Variants in STARD13 observed in about 807,000 individuals in gnomAD.
STARD13 encodes stAR-related lipid transfer protein 13.
STARD13 carries 62 observed loss-of-function variants against 106.4 expected under a neutral mutation model. That is an observed-to-expected ratio of 0.58 (90% CI 0.48 to 0.72). The LOEUF is 0.72. Ranked by LOEUF, STARD13 falls within the 30% of genes least tolerant of loss-of-function variation. STARD13 has a pLI of 0.00. For synonymous variants in STARD13, 565 were observed against 553.0 expected, an observed-to-expected ratio of 1.02 and a Z score of -0.31; for missense variants, 1,387 against 1,424.0, an observed-to-expected ratio of 0.97 and a Z score of 0.42.
At chr13:33,378,606 T>C in the STARD13 span, among the ~76,000 whole-genome samples, 2 of 151,920 alleles carry the variant, frequency 1.3e-5, no homozygotes, top group Non-Finnish European at 1.5e-5. Flanking sequence ...CTGGCCAATA[T>C]GGTGAAACCC....
At chr13:33,628,924 A>G in the STARD13 span, among the ~76,000 whole-genome samples, 1 of 152,244 alleles carries the variant, frequency 6.6e-6, no homozygotes, top group Non-Finnish European at 1.5e-5. Flanking sequence ...CGAGGGTTAC[A>G]TGAGATGCTA....
At chr13:33,546,327 CTTAGTTG>C in the STARD13 span, among the ~76,000 whole-genome samples, 2 of 152,062 alleles carry the variant, frequency 1.3e-5, no homozygotes, top group East Asian at 1.9e-4. Flanking sequence ...TTAAAGGGGT[CTTAGTTG>C]TTAGAGCTTT....
chr13:33,190,015 A>T (rs1886126388), intron 1 of STARD13, among the ~76,000 whole-genome samples: 1 of 152,054 alleles, frequency 6.6e-6, no homozygotes, highest in Non-Finnish European at 1.5e-5. Flanking sequence ...CAACTTTCTC[A>T]TTATACTAGA....
At chr13:33,496,131 T>G in the STARD13 span, among the ~76,000 whole-genome samples, 1 of 133,456 alleles carries the variant, frequency 7.5e-6, no homozygotes, top group Non-Finnish European at 1.6e-5. Context: ...TTATAATATA[T>G]TTATAATCAT....
At chr13:33,499,278 A>G in the STARD13 span, among the ~76,000 whole-genome samples, 3 of 152,248 alleles carry the variant, frequency 2.0e-5, no homozygotes, top group African/African-American at 7.2e-5. Context: ...TTGAACAAGT[A>G]TATTAGTCAG....
chr13:33,203,124 GCGGAAGAGCACAGT>G (rs1224365425), intron 1 of STARD13, among the ~76,000 whole-genome samples: 5 of 152,184 alleles, frequency 3.3e-5, no homozygotes, highest in African/African-American at 7.2e-5. Flanking sequence ...CCACAATGCA[GCGGAAGAGCACAGT>G]TGAATGGCGT....
At chr13:33,616,861 G>A in the STARD13 span, among the ~76,000 whole-genome samples, 1 of 152,190 alleles carries the variant, frequency 6.6e-6, no homozygotes, top group African/African-American at 2.4e-5. Flanking sequence ...GGGTCTGGGA[G>A]AAAGGACAGG....
the STARD13 span, among the ~76,000 whole-genome samples, chr13:33,466,498 C>T: frequency 2.7e-4 from 41 of 152,198 alleles, no homozygotes; most frequent in African/African-American, 7.7e-4. Context: ...ATTTGATGGA[C>T]GTATAGTTCA....
intron 1 of STARD13, among the ~76,000 whole-genome samples, chr13:33,332,461 T>C (rs973453931): frequency 6.6e-6 from 1 of 152,150 alleles, no homozygotes; most frequent in Non-Finnish European, 1.5e-5. Flanking sequence ...TTAGTGACCT[T>C]ATAAAAGGGA....
the STARD13 span, among the ~76,000 whole-genome samples, chr13:33,385,239 ATATATATATATATATATATG>A: frequency 1.6e-5 from 2 of 124,682 alleles, no homozygotes; most frequent in Admixed American, 7.8e-5. Context: ...ATATATATAT[ATATATATATATATATATATG>A]TAGAAAACAG....
At chr13:33,594,016 C>G in the STARD13 span, among the ~76,000 whole-genome samples, 10 of 152,294 alleles carry the variant, frequency 6.6e-5, no homozygotes, top group African/African-American at 2.4e-4. Context: ...ACGCCGTTCT[C>G]CTGCCTCAGC....
At chr13:33,358,340 G>T in the STARD13 span, among the ~76,000 whole-genome samples, 51 of 152,292 alleles carry the variant, frequency 3.3e-4, no homozygotes, top group Middle Eastern at 3.4e-3. Flanking sequence ...CAGTCCCATC[G>T]ACCACCCAAG....
chr13:33,238,133 C>T (rs557718365), intron 1 of STARD13, among the ~76,000 whole-genome samples: 2 of 152,272 alleles, frequency 1.3e-5, no homozygotes, highest in Admixed American at 1.3e-4. Context: ...TAGCACTTAC[C>T]TTTCTTTTAC....
the STARD13 span, among the ~76,000 whole-genome samples, chr13:33,423,071 C>T: frequency 0.16 from 23,954 of 152,044 alleles, 4,455 homozygotes; most frequent in African/African-American, 0.44. Context: ...AAAGCAATGG[C>T]GACAAAAGCC....
the STARD13 span, among the ~76,000 whole-genome samples, chr13:33,428,440 A>T: frequency 6.6e-6 from 1 of 152,176 alleles, no homozygotes; most frequent in Non-Finnish European, 1.5e-5. Flanking sequence ...CGTTAATATT[A>T]AAAATATAAA....
the STARD13 span, among the ~76,000 whole-genome samples, chr13:33,527,071 T>G: frequency 6.6e-6 from 1 of 152,152 alleles, no homozygotes; most frequent in African/African-American, 2.4e-5. Context: ...TTCCTTAGAA[T>G]TTTTCTTTTA....
chr13:33,203,849 G>A (rs954371540), intron 1 of STARD13, among the ~76,000 whole-genome samples: 2 of 152,156 alleles, frequency 1.3e-5, no homozygotes, highest in African/African-American at 4.8e-5. Flanking sequence ...CTAAGAGAGT[G>A]GAGGCAATTT....
the STARD13 span, among the ~76,000 whole-genome samples, chr13:33,358,230 G>C: frequency 6.6e-6 from 1 of 152,198 alleles, no homozygotes; most frequent in Non-Finnish European, 1.5e-5. Flanking sequence ...GGCAGGGCTC[G>C]GGACATGCAG....
the STARD13 span, among the ~76,000 whole-genome samples, chr13:33,658,755 G>GCTA: frequency 1.3e-5 from 2 of 152,166 alleles, no homozygotes; most frequent in African/African-American, 4.8e-5. Context: ...GCAGCTCCCA[G>GCTA]GTAGTTTCAG....
Sources: allele counts gnomAD v4.1 joint callset (sites outside exome capture counted in the v4.1 genomes callset), GRCh38; gene constraint gnomAD v4.1.1; transcripts MANE v1.5; gene names NCBI Gene and HGNC (gene_info 2026-07-23, HGNC 2026-07-21).